NUBPL: variants seen among roughly 807,000 people sequenced by gnomAD.
The protein encoded by NUBPL is iron-sulfur cluster transfer protein NUBPL.
NUBPL carries 31 observed loss-of-function variants against 45.7 expected under a neutral mutation model. The observed-to-expected ratio is 0.68, with a 90% CI of 0.51 to 0.92. The LOEUF is 0.92. NUBPL is among the 40% of genes least tolerant of loss of function. The pLI, the probability that NUBPL is intolerant of heterozygous loss-of-function variation, is 0.00. For synonymous variants in NUBPL, 144 were observed against 140.9 expected (o/e 1.02, Z -0.15); for missense variants, 401 against 398.7 (o/e 1.01, Z -0.05).
intron 6 of NUBPL, among the ~76,000 whole-genome samples, chr14:31,757,797 A>T (rs931299269): frequency 1.3e-5 from 2 of 152,148 alleles, no homozygotes; most frequent in Non-Finnish European, 2.9e-5. Context: ...TTAGATCATA[A>T]CTCAAACCCT....
intron 6 of NUBPL, among the ~76,000 whole-genome samples, chr14:31,775,746 G>A (rs2039087710): frequency 6.6e-6 from 1 of 152,100 alleles, no homozygotes; most frequent in African/African-American, 2.4e-5. Flanking sequence ...GAGTACCTTG[G>A]TAACTCCAAT....
At chr14:31,799,856 G>T (rs962885877) in intron 7 of NUBPL, among the ~76,000 whole-genome samples, 14 of 152,254 alleles carry the variant, frequency 9.2e-5, no homozygotes, top group Non-Finnish European at 1.8e-4. Flanking sequence ...TGCATCAACT[G>T]ACTCTTCCTT....
intron 6 of NUBPL, among the ~76,000 whole-genome samples, chr14:31,692,358 T>A (rs1442649721): frequency 1.3e-5 from 2 of 152,218 alleles, no homozygotes; most frequent in African/African-American, 4.8e-5. Context: ...AGAATCTTTG[T>A]GTTTTAAACT....
intron 6 of NUBPL, among the ~76,000 whole-genome samples, chr14:31,745,774 A>T (rs537721443): frequency 6.6e-6 from 1 of 151,900 alleles, no homozygotes; most frequent in African/African-American, 2.4e-5. Flanking sequence ...CACTGTGTGT[A>T]TGTTATTTGT....
chr14:31,834,249 T>G (rs184511765), intron 8 of NUBPL, among the ~76,000 whole-genome samples: 16 of 148,944 alleles, frequency 1.1e-4, no homozygotes, highest in African/African-American at 3.8e-4. Context: ...GGTGTAATCT[T>G]GGCTCACTGC....
chr14:31,742,437 G>T (rs139825594), intron 6 of NUBPL, among the ~76,000 whole-genome samples: 1 of 152,074 alleles, frequency 6.6e-6, no homozygotes, highest in East Asian at 1.9e-4. Flanking sequence ...CAGCAGGCCC[G>T]AAGTGGGGTC....
At chr14:31,780,558 C>T (rs2039175158) in intron 6 of NUBPL, among the ~76,000 whole-genome samples, 1 of 152,062 alleles carries the variant, frequency 6.6e-6, no homozygotes, top group South Asian at 2.1e-4. Context: ...GTCTAGAAAA[C>T]AAAACATTTA....
intron 6 of NUBPL, among the ~76,000 whole-genome samples, chr14:31,727,927 A>G (rs1420478892): frequency 6.6e-6 from 1 of 152,186 alleles, no homozygotes; most frequent in Non-Finnish European, 1.5e-5. Flanking sequence ...CAACATTTGC[A>G]TATATATTAT....
At chr14:31,853,793 A>G (rs552919907) in intron 10 of NUBPL, among the ~76,000 whole-genome samples, 89 of 152,286 alleles carry the variant, frequency 5.8e-4, no homozygotes, top group African/African-American at 1.7e-3. Flanking sequence ...AGTGTAAAGC[A>G]GCCAAAGAAA....
At chr14:31,686,032 T>G (rs1308203897) in intron 6 of NUBPL, among the ~76,000 whole-genome samples, 1 of 152,164 alleles carries the variant, frequency 6.6e-6, no homozygotes, top group Non-Finnish European at 1.5e-5. Context: ...GCAGTTCTTT[T>G]TAACTGCTTT....
At position 31,830,374 on chromosome 14, in the gene NUBPL, G is replaced by C. The variant is rs1373463375; in HGVS notation, c.693+3660G>C. On this transcript the variant is annotated intron_variant, in intron 8 of 10. Transcript: ENST00000281081. ...AGACTAACTCTATTTTGATGCAAAG[G>C]CCTTAAATTCTGAGATGCATGAAAA... 3.3e-5 allele frequency among the ~76,000 whole-genome samples: 5 copies of C among 152,186 alleles called. No individual in the cohort carries two copies. The East Asian group carries it at 7.7e-4, about 24-fold the overall frequency.
chr14:31,576,054 GTT>G (rs1459182094), intron 3 of NUBPL, among the ~76,000 whole-genome samples: 1 of 152,126 alleles, frequency 6.6e-6, no homozygotes, highest in Non-Finnish European at 1.5e-5. Flanking sequence ...AAGCAAAACT[GTT>G]TACTAAAACT....
At chr14:31,620,958 C>G (rs1414034801) in intron 4 of NUBPL, among the ~76,000 whole-genome samples, 1 of 152,170 alleles carries the variant, frequency 6.6e-6, no homozygotes, top group Non-Finnish European at 1.5e-5. Flanking sequence ...GGGCTGCTGC[C>G]TTTCTTTCAG....
intron 6 of NUBPL, among the ~76,000 whole-genome samples, chr14:31,712,087 G>A (rs903657407): frequency 2.0e-5 from 3 of 152,192 alleles, no homozygotes; most frequent in East Asian, 3.9e-4. Flanking sequence ...GGAGCGGGTT[G>A]CTGGCTGCTG....
intron 4 of NUBPL, among the ~76,000 whole-genome samples, chr14:31,664,499 G>GT (rs2139780304): frequency 6.6e-6 from 1 of 152,244 alleles, no homozygotes; most frequent in East Asian, 1.9e-4. Context: ...TAATCATGTG[G>GT]TTTTTGTCAT....
chr14:31,725,764 G>A lies in NUBPL; in HGVS notation c.513+52190G>A, dbSNP rs188390975. On this transcript the variant is annotated intron_variant, in intron 6 of 10. Transcript: ENST00000281081. Reference sequence around the variant, plus strand: ...TCACTCTGTTGCCCAGGCTGGAGTGGAGTGGTGCAATCTTGGCTCACTACA... The same window carrying A: ...TCACTCTGTTGCCCAGGCTGGAGTGAAGTGGTGCAATCTTGGCTCACTACA... Among the ~76,000 whole-genome samples the A allele has an allele frequency of 2.5e-4, 35 of 137,850 alleles. No individual in the cohort carries two copies. In the Middle Eastern group the frequency reaches 0.015, roughly 58 times the overall value. 90.4% of individuals were successfully genotyped at this position (137,850 alleles called of 152,430 possible).
chr14:31,727,183 G>A lies in NUBPL; in HGVS notation c.513+53609G>A, dbSNP rs563546465. On this transcript the variant is annotated intron_variant, in intron 6 of 10. Transcript: ENST00000281081. ...TTATTTTAAGATGAACTGTGCACTA[G>A]TATGAGCTGTGTGTTGAGGCATGCC... Among the ~76,000 whole-genome samples, 3 of 152,184 alleles carry A rather than the reference G, an allele frequency of 2.0e-5. No homozygotes were observed. The South Asian group carries it at 6.2e-4, about 32-fold the overall frequency.
chr14:31,704,750 C>T (rs2139904509), intron 6 of NUBPL, among the ~76,000 whole-genome samples: 1 of 152,240 alleles, frequency 6.6e-6, no homozygotes, highest in Admixed American at 6.5e-5. Context: ...ACTTCCTGTT[C>T]CCTCTAGTTC....
At chr14:31,581,553 A>T (rs1447969583) in intron 3 of NUBPL, among the ~76,000 whole-genome samples, 5 of 152,216 alleles carry the variant, frequency 3.3e-5, no homozygotes, top group African/African-American at 9.6e-5. Flanking sequence ...TGTAGCATAT[A>T]TTCAAATTTC....
Sources: allele counts gnomAD v4.1 joint callset (sites outside exome capture counted in the v4.1 genomes callset), GRCh38; gene constraint gnomAD v4.1.1; transcripts MANE v1.5; gene names NCBI Gene and HGNC (gene_info 2026-07-23, HGNC 2026-07-21).